Variants in TRAPPC3 observed in about 807,000 individuals in gnomAD.
TRAPPC3 encodes the protein trafficking protein particle complex subunit 3, also known as trafficking protein particle complex 3.
In TRAPPC3, 5 loss-of-function variants were observed where a neutral mutation model predicts 18.2. That is an observed-to-expected ratio of 0.28 (90% CI 0.14 to 0.58). The LOEUF is 0.58. Ranked by LOEUF, TRAPPC3 falls within the 20% of genes least tolerant of loss-of-function variation. TRAPPC3 has a pLI of 0.91. For synonymous variants in TRAPPC3, 65 were observed against 84.2 expected, an observed-to-expected ratio of 0.77 and a Z score of 1.25; for missense variants, 176 against 225.9, an observed-to-expected ratio of 0.78 and a Z score of 1.41.
At position 36,137,155 on chromosome 1, in the gene TRAPPC3, C is replaced by A. The variant is rs767532940; in HGVS notation, c.*48G>T. The A allele has an allele frequency of 6.3e-7, 1 of 1,582,466 alleles. No homozygotes were observed. Among genetic ancestry groups the A allele is most frequent in the South Asian group, 1.1e-5 (1 of 89,560 alleles). ...AGGGCAGAGGGAGCACAGAGGCCTG[C>A]TGATTCCAACAGTGCTCCTGATGGC... On this transcript the variant is annotated 3_prime_UTR_variant, in exon 5 of 5. Transcript: ENST00000373166.
chr1:36,145,656 A>G (rs1434903963), intron 1 of TRAPPC3, among the ~76,000 whole-genome samples: 2 of 152,246 alleles, frequency 1.3e-5, no homozygotes, highest in Non-Finnish European at 2.9e-5. Flanking sequence ...ACACATCTAG[A>G]GGACACTTAC....
upstream of TRAPPC3, among the ~76,000 whole-genome samples, chr1:36,150,562 T>C (rs969657290): frequency 1.2e-4 from 18 of 152,130 alleles, no homozygotes; most frequent in Admixed American, 5.9e-4. Context: ...AACCAGCCTG[T>C]CCAGACACGA....
chr1:36,145,450 A>C (rs1378221401), intron 1 of TRAPPC3, among the ~76,000 whole-genome samples: 1 of 152,010 alleles, frequency 6.6e-6, no homozygotes, highest in African/African-American at 2.4e-5. Context: ...AATCCAGCCA[A>C]CTCTCTTACC....
upstream of TRAPPC3, among the ~76,000 whole-genome samples, chr1:36,151,188 G>A (rs1468552678): frequency 6.6e-6 from 1 of 152,066 alleles, no homozygotes; most frequent in African/African-American, 2.4e-5. Context: ...GGCCATCTCA[G>A]GTTGATCTAT....
At chr1:36,143,263 G>T (rs1210201024) in intron 1 of TRAPPC3, among the ~76,000 whole-genome samples, 6 of 151,772 alleles carry the variant, frequency 4.0e-5, no homozygotes, top group Admixed American at 3.9e-4. Flanking sequence ...TGGGGGGGTG[G>T]TTAATTTTAA....
At chr1:36,139,890 T>C in intron 2 of TRAPPC3, 71 bp from the exon 3 acceptor site, 2 of 1,583,944 alleles carry the variant, frequency 1.3e-6, no homozygotes, top group East Asian at 4.5e-5. Flanking sequence ...AGGTTGTTGG[T>C]GGTAAAGGGA....
chr1:36,150,695 G>A (rs928215752), upstream of TRAPPC3, among the ~76,000 whole-genome samples: 1 of 152,176 alleles, frequency 6.6e-6, no homozygotes, highest in Non-Finnish European at 1.5e-5. Flanking sequence ...CAGACATTCT[G>A]TTTCCTCCCT....
intron 1 of TRAPPC3, among the ~76,000 whole-genome samples, chr1:36,145,017 G>C (rs932282579): frequency 1.3e-5 from 2 of 151,988 alleles, no homozygotes; most frequent in Admixed American, 6.5e-5. Flanking sequence ...TAAGGAGGCT[G>C]ATCTTTTTTT....
At chr1:36,148,172 G>T (rs191738000) in intron 1 of TRAPPC3, among the ~76,000 whole-genome samples, 254 of 152,224 alleles carry the variant, frequency 1.7e-3, no homozygotes, top group African/African-American at 5.8e-3. Context: ...AAATATTCTC[G>T]TCTTTTGGCC....
intron 1 of TRAPPC3, among the ~76,000 whole-genome samples, chr1:36,142,738 T>C (rs1474533443): frequency 2.6e-5 from 4 of 152,110 alleles, no homozygotes; most frequent in Non-Finnish European, 5.9e-5. Flanking sequence ...GCTTTAAAAA[T>C]AGAAGGGATG....
chr1:36,146,320 G>A (rs1348734316), intron 1 of TRAPPC3, among the ~76,000 whole-genome samples: 3 of 141,872 alleles, frequency 2.1e-5, no homozygotes, highest in African/African-American at 5.3e-5. Context: ...TTTTTGAGAT[G>A]GAGTCTCACT....
Position 36,139,714 on chromosome 1 carries a change from A to G in TRAPPC3, c.240+6T>C. 1 of 1,614,122 alleles carries G rather than the reference A, an allele frequency of 6.2e-7. No individual in the cohort carries two copies. The highest frequency in any genetic ancestry group is 1.1e-5 in the South Asian group (1 of 91,076). ...TCAGCATGGACAGGTGGCCCAGAATAATGACCTTGGCAATGACATCCGCAG... is the reference window on the plus strand; with the variant it reads ...TCAGCATGGACAGGTGGCCCAGAATGATGACCTTGGCAATGACATCCGCAG... On this transcript the variant is annotated splice_donor_region_variant and intron_variant, in intron 3 of 4. Transcript: ENST00000373166.
intron 1 of TRAPPC3, among the ~76,000 whole-genome samples, chr1:36,144,309 A>AAAAAG (rs1553181270): frequency 7.0e-5 from 10 of 143,766 alleles, no homozygotes; most frequent in African/African-American, 2.5e-4. Flanking sequence ...AAAAAAAAAA[A>AAAAAG]GGGAGGGCAA....
chr1:36,141,958 C>CAAAA (rs71053907), intron 1 of TRAPPC3, among the ~76,000 whole-genome samples: 99 of 64,058 alleles, frequency 1.5e-3, no homozygotes, highest in Non-Finnish European at 1.7e-3. Context: ...ATTCCGTCTC[C>CAAAA]AAAAAAAAAA....
chr1:36,139,937 G>A (rs1490695821), intron 2 of TRAPPC3, 118 bp from the exon 3 acceptor site: 6 of 1,503,464 alleles, frequency 4.0e-6, no homozygotes, highest in Non-Finnish European at 5.4e-6. Context: ...CAGTAAATGA[G>A]TTTAGTGAGA....
chr1:36,144,852 T>C lies in TRAPPC3; in HGVS notation c.42+4485A>G, dbSNP rs559976292. On this transcript the variant is annotated intron_variant, in intron 1 of 4. Coordinates refer to ENST00000373166, the MANE Select transcript of TRAPPC3 (RefSeq NM_014408.5). ...GCTTTGCAGACAAGAAACCACAGGA[T>C]TTATAGCAGCTATGCTAACATGATC... Among the ~76,000 whole-genome samples the C allele has an allele frequency of 1.5e-3, 230 of 152,236 alleles. 1 individual carries two copies. Among genetic ancestry groups the C allele is most frequent in the African/African-American group, 5.0e-3 (206 of 41,548 alleles).
intron 1 of TRAPPC3, among the ~76,000 whole-genome samples, chr1:36,146,965 T>A (rs1644211213): frequency 6.6e-6 from 1 of 152,226 alleles, no homozygotes; most frequent in South Asian, 2.1e-4. Context: ...ACTAACAATT[T>A]AGATGGCTCT....
chr1:36,142,210 CA>C (rs1436739889), intron 1 of TRAPPC3, among the ~76,000 whole-genome samples: 4 of 151,898 alleles, frequency 2.6e-5, no homozygotes, highest in Admixed American at 6.6e-5. Context: ...CCTTTGAACT[CA>C]AATAAACAGT....
chr1:36,138,918 C>A (rs1245348681), intron 3 of TRAPPC3, among the ~76,000 whole-genome samples: 1 of 151,434 alleles, frequency 6.6e-6, no homozygotes, highest in Admixed American at 6.6e-5. Flanking sequence ...TGCCTGTAAT[C>A]GCAGCTACTC....
Sources: gnomAD v4.1 joint callset for allele counts (sites outside exome capture counted in the v4.1 genomes callset) on GRCh38, gnomAD v4.1.1 for gene constraint, MANE v1.5 for transcripts, NCBI Gene and HGNC (gene_info 2026-07-23, HGNC 2026-07-21) for gene names.